The following CCDC7 variants were observed in gnomAD, a reference collection of about 807,000 sequenced individuals.
CCDC7 encodes coiled-coil domain-containing protein 7.
In CCDC7, 183 loss-of-function variants were observed where a neutral mutation model predicts 196.9. That is an observed-to-expected ratio of 0.93 (90% CI 0.82 to 1.05). The LOEUF is 1.05. Ranked by LOEUF, CCDC7 falls within the 50% of genes least tolerant of loss-of-function variation. The pLI, the probability that CCDC7 is intolerant of heterozygous loss-of-function variation, is 0.00. For missense variants in CCDC7, 1,540 were observed against 1,482.2 expected (o/e 1.04, Z -0.64); for synonymous variants, 525 against 484.6 (o/e 1.08, Z -1.10).
intron 9 of CCDC7, among the ~76,000 whole-genome samples, chr10:32,501,492 G>A (rs2044027954): frequency 6.6e-6 from 1 of 152,060 alleles, no homozygotes; most frequent in South Asian, 2.1e-4. Flanking sequence ...GCCTTTTTGC[G>A]CTGGTTTCTC....
At chr10:32,481,887 T>G (rs1316477113) in intron 8 of CCDC7, 1 of 152,206 alleles carries the variant, frequency 6.6e-6, no homozygotes, top group Non-Finnish European at 1.5e-5. Flanking sequence ...CCTATGGGGA[T>G]TCTCTCTGTG....
intron 21 of CCDC7, among the ~76,000 whole-genome samples, chr10:32,679,346 C>G (rs1466745674): frequency 6.6e-6 from 1 of 152,128 alleles, no homozygotes; most frequent in Non-Finnish European, 1.5e-5. Flanking sequence ...CAGAAGACCT[C>G]TTACTCAAAC....
chr10:32,813,936 T>C (rs1353612257), intron 30 of CCDC7, among the ~76,000 whole-genome samples: 1 of 152,202 alleles, frequency 6.6e-6, no homozygotes, highest in African/African-American at 2.4e-5. Context: ...TTAATTCTTC[T>C]ATAAATACAA....
At chr10:32,827,718 A>G (rs2091349769) in intron 32 of CCDC7, among the ~76,000 whole-genome samples, 1 of 152,110 alleles carries the variant, frequency 6.6e-6, no homozygotes, top group Non-Finnish European at 1.5e-5. Context: ...GGGTGCAGCA[A>G]ACCAGCATGG....
intron 13 of CCDC7, among the ~76,000 whole-genome samples, chr10:32,561,866 G>C (rs756786825): frequency 3.9e-5 from 6 of 152,190 alleles, no homozygotes; most frequent in African/African-American, 1.4e-4. Flanking sequence ...CCAGGAGCTG[G>C]TTTTTTGAAA....
intron 33 of CCDC7, 145 bp from the exon 35 acceptor site, chr10:32,845,098 C>G (rs2093203620): frequency 4.2e-6 from 2 of 476,802 alleles, no homozygotes; most frequent in Non-Finnish European, 3.6e-6. Flanking sequence ...TAAGTATGAA[C>G]CTTTAATGAC....
chr10:32,633,612 T>C (rs1253016207), intron 18 of CCDC7, among the ~76,000 whole-genome samples: 1 of 151,898 alleles, frequency 6.6e-6, no homozygotes, highest in Non-Finnish European at 1.5e-5. Flanking sequence ...GCTTTGTTTC[T>C]TTCCTCAGTA....
At chr10:32,502,827 T>G (rs1296446489) in intron 9 of CCDC7, among the ~76,000 whole-genome samples, 1 of 152,224 alleles carries the variant, frequency 6.6e-6, no homozygotes, top group Non-Finnish European at 1.5e-5. Flanking sequence ...TTCAATTTAT[T>G]TCATCAACAT....
At chr10:32,681,429 A>T (rs1276608612) in intron 21 of CCDC7, among the ~76,000 whole-genome samples, 1 of 152,152 alleles carries the variant, frequency 6.6e-6, no homozygotes, top group Non-Finnish European at 1.5e-5. Context: ...TTGTCACAAT[A>T]CAGCTACTGT....
intron 21 of CCDC7, among the ~76,000 whole-genome samples, chr10:32,670,876 T>A (rs996326177): frequency 2.6e-5 from 4 of 152,130 alleles, no homozygotes; most frequent in Admixed American, 2.0e-4. Context: ...TGTTCTATTT[T>A]CCTTAGTTCC....
intron 41 of CCDC7, among the ~76,000 whole-genome samples, chr10:32,873,767 G>A (rs2094510329): frequency 6.6e-6 from 1 of 151,794 alleles, no homozygotes; most frequent in African/African-American, 2.4e-5. Context: ...GCCGGGTTGT[G>A]TAGGAAATTT....
intron 11 of CCDC7, among the ~76,000 whole-genome samples, chr10:32,539,689 A>G (rs1201458698): frequency 6.6e-6 from 1 of 152,066 alleles, no homozygotes; most frequent in Non-Finnish European, 1.5e-5. Flanking sequence ...TTAGTTGTGT[A>G]CTAGATTTTC....
chr10:32,637,706 G>A (rs569454439), intron 20 of CCDC7, among the ~76,000 whole-genome samples: 74 of 152,220 alleles, frequency 4.9e-4, no homozygotes, highest in Non-Finnish European at 9.1e-4. Flanking sequence ...TTGACTTGGT[G>A]ATGTGGGCTC....
intron 5 of CCDC7, among the ~76,000 whole-genome samples, chr10:32,464,006 C>G (rs756266127): frequency 6.6e-6 from 1 of 152,114 alleles, no homozygotes; most frequent in Non-Finnish European, 1.5e-5. Flanking sequence ...GGAAATTCAT[C>G]TTGTCATCTT....
chr10:32,551,283 T>C (rs1422530327), intron 13 of CCDC7, among the ~76,000 whole-genome samples: 1 of 152,162 alleles, frequency 6.6e-6, no homozygotes, highest in Non-Finnish European at 1.5e-5. Context: ...TTTTGGATTT[T>C]CTCTCTTCTT....
intron 29 of CCDC7, among the ~76,000 whole-genome samples, chr10:32,781,607 C>G (rs891631068): frequency 6.6e-6 from 1 of 152,086 alleles, no homozygotes; most frequent in Non-Finnish European, 1.5e-5. Flanking sequence ...AATTCAATAC[C>G]CTTTCACGTA....
intron 8 of CCDC7, among the ~76,000 whole-genome samples, chr10:32,479,051 G>T (rs1037761176): frequency 2.6e-5 from 4 of 151,988 alleles, no homozygotes; most frequent in African/African-American, 9.7e-5. Context: ...CCAAGAATTT[G>T]TCCATATAAT....
intron 18 of CCDC7, among the ~76,000 whole-genome samples, chr10:32,600,977 A>C (rs1338420865): frequency 6.6e-6 from 1 of 152,158 alleles, no homozygotes; most frequent in East Asian, 1.9e-4. Flanking sequence ...CAGCTTTGCC[A>C]GGTATAGAAT....
chr10:32,506,228 G>A lies in CCDC7; in HGVS notation c.873-11717G>A, dbSNP rs577471439. Among the ~76,000 whole-genome samples the A allele has an allele frequency of 5.1e-3, 746 of 146,436 alleles. 6 individuals carry two copies. Among genetic ancestry groups the A allele is most frequent in the Non-Finnish European group, 9.0e-3 (601 of 66,700 alleles). ...TCACTTCCTCCCAGACGGGGTGGCC[G>A]GGCAGAGGCGCTACTCACTTCCCAG... On this transcript the variant is annotated intron_variant, in intron 9 of 41. Coordinates refer to ENST00000639629, the Ensembl canonical transcript of CCDC7.
Sources: allele counts gnomAD v4.1 joint callset (sites outside exome capture counted in the v4.1 genomes callset), GRCh38; gene constraint gnomAD v4.1.1; transcripts MANE v1.5; gene names NCBI Gene and HGNC (gene_info 2026-07-23, HGNC 2026-07-21).